RALYL: variants seen among roughly 807,000 people sequenced by gnomAD.
The protein encoded by RALYL is RALY RNA binding protein like, also known as RNA-binding Raly-like protein.
Under a neutral mutation model 35.1 loss-of-function variants are expected in RALYL, and 29 were observed. That is an observed-to-expected ratio of 0.83 (90% CI 0.61 to 1.13). RALYL has a LOEUF of 1.13. RALYL is among the 50% of genes most tolerant of loss of function. The pLI, the probability that RALYL is intolerant of heterozygous loss-of-function variation, is 0.00. For missense variants in RALYL, 359 were observed against 360.4 expected, an observed-to-expected ratio of 1.00 and a Z score of 0.03; for synonymous variants, 120 against 127.6, an observed-to-expected ratio of 0.94 and a Z score of 0.40.
intron 1 of RALYL, among the ~76,000 whole-genome samples, chr8:84,188,622 CAT>C (rs1278740118): frequency 1.3e-5 from 2 of 152,090 alleles, no homozygotes; most frequent in African/African-American, 4.8e-5. Context: ...TATTCAATAA[CAT>C]GTAAGTAATA....
intron 2 of RALYL, among the ~76,000 whole-genome samples, chr8:84,635,029 A>G (rs1306062907): frequency 6.6e-6 from 1 of 151,816 alleles, no homozygotes; most frequent in South Asian, 2.1e-4. Flanking sequence ...TGGTAAAAAA[A>G]GGTATTCAAG....
chr8:84,318,991 T>C (rs967556125), intron 1 of RALYL, among the ~76,000 whole-genome samples: 1 of 152,188 alleles, frequency 6.6e-6, no homozygotes, highest in Non-Finnish European at 1.5e-5. Context: ...TGCCTAGGAA[T>C]GGACATTAAC....
At chr8:84,787,048 T>C (rs539619156) in intron 3 of RALYL, among the ~76,000 whole-genome samples, 1 of 152,338 alleles carries the variant, frequency 6.6e-6, no homozygotes, top group Non-Finnish European at 1.5e-5. Flanking sequence ...CTGTGATACA[T>C]GTGCAGAACA....
chr8:84,251,671 T>C (rs998440629), intron 1 of RALYL, among the ~76,000 whole-genome samples: 5 of 152,138 alleles, frequency 3.3e-5, no homozygotes, highest in Non-Finnish European at 7.4e-5. Flanking sequence ...TGCATATAGT[T>C]GATTTTTATT....
At chr8:84,895,544 T>C (rs569036560) in intron 8 of RALYL, among the ~76,000 whole-genome samples, 1 of 152,172 alleles carries the variant, frequency 6.6e-6, no homozygotes, top group South Asian at 2.1e-4. Context: ...ACAGAGTCTC[T>C]CTCTGTTGCC....
chr8:84,553,173 G>A (rs1263147489), intron 2 of RALYL, among the ~76,000 whole-genome samples: 1 of 151,302 alleles, frequency 6.6e-6, no homozygotes, highest in Admixed American at 6.6e-5. Flanking sequence ...TCTTTTTTTG[G>A]GAGGGGGACA....
chr8:84,820,231 T>C (rs553549859), intron 4 of RALYL, among the ~76,000 whole-genome samples: 1 of 152,334 alleles, frequency 6.6e-6, no homozygotes, highest in East Asian at 1.9e-4. Flanking sequence ...TATTTATTTT[T>C]AAAAAGCAAG....
At chr8:84,225,748 C>T (rs1174598380) in intron 1 of RALYL, among the ~76,000 whole-genome samples, 2 of 152,150 alleles carry the variant, frequency 1.3e-5, no homozygotes, top group Non-Finnish European at 2.9e-5. Flanking sequence ...CTCTTTATTT[C>T]CTGTGTTACA....
intron 2 of RALYL, among the ~76,000 whole-genome samples, chr8:84,743,271 C>T (rs1190282607): frequency 4.0e-5 from 6 of 151,798 alleles, no homozygotes; most frequent in South Asian, 2.1e-4. Context: ...AGAAGTTTTT[C>T]GTTCTGTGTC....
chr8:84,530,045 T>G (rs1334408669), intron 2 of RALYL, among the ~76,000 whole-genome samples: 1 of 152,156 alleles, frequency 6.6e-6, no homozygotes, highest in Non-Finnish European at 1.5e-5. Context: ...GAAAGGAATA[T>G]AATTCACATT....
At chr8:84,401,867 T>C (rs2042953885) in intron 1 of RALYL, among the ~76,000 whole-genome samples, 1 of 149,648 alleles carries the variant, frequency 6.7e-6, no homozygotes, top group Admixed American at 6.7e-5. Flanking sequence ...CTGGATTTAT[T>C]TGGTCATGCT....
intron 1 of RALYL, among the ~76,000 whole-genome samples, chr8:84,245,409 T>G (rs1828861740): frequency 6.6e-6 from 1 of 152,148 alleles, no homozygotes; most frequent in South Asian, 2.1e-4. Context: ...ACAAATAATT[T>G]TACCAGATTG....
In RALYL at chr8:84,913,032, A is replaced by ATGGATAGGTAGG. The variant is rs567355226; in HGVS notation, c.859-7861_859-7860insGGATAGGTAGGT. 5.9e-3 allele frequency among the ~76,000 whole-genome samples: 640 copies of ATGGATAGGTAGG among 108,784 alleles called. 7 individuals are homozygous for ATGGATAGGTAGG. Among genetic ancestry groups the ATGGATAGGTAGG allele is most frequent in the Middle Eastern group, 0.014 (3 of 208 alleles). The allele number at this position is 108,784 out of a possible 152,430, so 71.4% of individuals were successfully genotyped here. ...GATGGATGGATGGATGGATGGATGG[A>ATGGATAGGTAGG]TAGGTAGGTAGATAGATAGATAGAT... is the stretch of plus-strand genomic sequence containing the variant. On this transcript the variant is annotated intron_variant, in intron 8 of 8. Transcript: ENST00000521268.
chr8:84,548,639 AG>A (rs2060516283), intron 2 of RALYL, among the ~76,000 whole-genome samples: 1 of 152,210 alleles, frequency 6.6e-6, no homozygotes, highest in African/African-American at 2.4e-5. Context: ...GAAGGGATAA[AG>A]TAAGGCAGAA....
intron 2 of RALYL, among the ~76,000 whole-genome samples, chr8:84,741,933 C>A (rs931882268): frequency 6.6e-6 from 1 of 151,526 alleles, no homozygotes; most frequent in Non-Finnish European, 1.5e-5. Flanking sequence ...CTATTATTTC[C>A]AGGGCCATTT....
intron 1 of RALYL, among the ~76,000 whole-genome samples, chr8:84,453,119 T>C (rs1054737753): frequency 2.6e-5 from 4 of 151,968 alleles, no homozygotes; most frequent in Non-Finnish European, 5.9e-5. Flanking sequence ...GTTATTTCGT[T>C]TGAGCAAGTA....
intron 1 of RALYL, among the ~76,000 whole-genome samples, chr8:84,322,558 G>C (rs1371515015): frequency 6.6e-6 from 1 of 152,080 alleles, no homozygotes; most frequent in African/African-American, 2.4e-5. Context: ...TGAGCAATTT[G>C]TAAGTGACAG....
chr8:84,545,071 T>A (rs980996604), intron 2 of RALYL, among the ~76,000 whole-genome samples: 6 of 152,110 alleles, frequency 3.9e-5, no homozygotes, highest in African/African-American at 1.2e-4. Flanking sequence ...CCTCATGCAG[T>A]TTATGTCTCT....
At position 84,582,872 on chromosome 8, in the gene RALYL, A is replaced by G. The variant is rs557570158; in HGVS notation, c.256+53295A>G. On this transcript the variant is annotated intron_variant, in intron 2 of 8. Coordinates refer to ENST00000521268, the MANE Select transcript of RALYL (RefSeq NM_173848.7). The stretch of plus-strand genomic sequence containing the variant: ...AAAATATGCTATAGATTTATGTCTC[A>G]TCATAATGACCAATGTTAATTTTAC... Among the ~76,000 whole-genome samples the G allele has an allele frequency of 3.5e-5, 5 of 144,498 alleles. No homozygotes were observed. The South Asian group carries it at 1.1e-3, about 31-fold the overall frequency. The allele number at this position is 144,498 out of a possible 152,430, so 94.8% of individuals were successfully genotyped here.
Sources: gnomAD v4.1 joint callset for allele counts (sites outside exome capture counted in the v4.1 genomes callset) on GRCh38, gnomAD v4.1.1 for gene constraint, MANE v1.5 for transcripts, NCBI Gene and HGNC (gene_info 2026-07-23, HGNC 2026-07-21) for gene names.